OTOF: variants seen among roughly 807,000 people sequenced by gnomAD.
OTOF encodes the protein otoferlin.
OTOF carries 218 observed loss-of-function variants against 236.8 expected under a neutral mutation model. That is an observed-to-expected ratio of 0.92 (90% CI 0.82 to 1.03). The LOEUF (loss-of-function observed/expected upper bound fraction) is 1.03, where lower values mean the gene tolerates loss of function less well. Among genes scored for constraint, OTOF ranks in the 50% least tolerant of loss-of-function variants. OTOF has a pLI of 0.00. For missense variants in OTOF, 2,590 were observed against 2,694.4 expected (o/e 0.96, Z 0.86); for synonymous variants, 1,041 against 1,072.5 (o/e 0.97, Z 0.57).
chr2:26,484,681 C>T lies in OTOF; in HGVS notation c.1046-48G>A, dbSNP rs150086224. The T allele has an allele frequency of 4.7e-5, 76 of 1,603,464 alleles. No homozygotes were observed. In the African/African-American group the frequency reaches 7.3e-4, roughly 16 times the overall value. On this transcript the variant is annotated intron_variant, in intron 11 of 46. Coordinates refer to ENST00000272371, the MANE Select transcript of OTOF (RefSeq NM_194248.3). Reference sequence around the variant, plus strand: ...CTGCACCAGACACCCCCACCCAGAGCGTCTCCCAGTGCTCAGGGCAGGCCA... The same window carrying T: ...CTGCACCAGACACCCCCACCCAGAGTGTCTCCCAGTGCTCAGGGCAGGCCA...
At chr2:26,476,866 C>G (rs1471754049) in intron 22 of OTOF, 25 bp downstream of exon 22, 2 of 1,602,254 alleles carry the variant, frequency 1.2e-6, no homozygotes, top group African/African-American at 1.3e-5. Flanking sequence ...ACCCAGGCCC[C>G]CATCCATCCT....
At chr2:26,512,429 T>C (rs1426597588) in intron 5 of OTOF, among the ~76,000 whole-genome samples, 1 of 152,222 alleles carries the variant, frequency 6.6e-6, no homozygotes, top group Admixed American at 6.5e-5. Flanking sequence ...TACACATGTG[T>C]GTGCATGTGA....
At chr2:26,504,245 C>T (rs1304941247) in intron 5 of OTOF, among the ~76,000 whole-genome samples, 1 of 152,190 alleles carries the variant, frequency 6.6e-6, no homozygotes, top group Admixed American at 6.5e-5. Flanking sequence ...CGCTCATCCT[C>T]CCCGGCTCAG....
At chr2:26,545,039 C>T (rs2148129983) in intron 1 of OTOF, among the ~76,000 whole-genome samples, 1 of 33,252 alleles carries the variant, frequency 3.0e-5, no homozygotes, top group East Asian at 2.1e-3. Context: ...AGATGCCATC[C>T]CAAAAAAAAA....
At chr2:26,531,829 C>G (rs758320030) in intron 2 of OTOF, among the ~76,000 whole-genome samples, 1 of 152,060 alleles carries the variant, frequency 6.6e-6, no homozygotes, top group South Asian at 2.1e-4. Context: ...GGCAGTGGCT[C>G]ATACCTGCAA....
intron 3 of OTOF, among the ~76,000 whole-genome samples, chr2:26,526,130 T>TGGC (rs1553362341): frequency 7.0e-6 from 1 of 142,344 alleles, no homozygotes; most frequent in Non-Finnish European, 1.5e-5. Context: ...GGTGGAAGGA[T>TGGC]GGATGAATGG....
At chr2:26,515,780 T>C (rs780878704) in intron 5 of OTOF, among the ~76,000 whole-genome samples, 38 of 152,182 alleles carry the variant, frequency 2.5e-4, no homozygotes, top group Middle Eastern at 3.2e-3. Context: ...GTCCCCTTGG[T>C]CTCTAATAGT....
rs373749074 is a variant in OTOF, at chr2:26,495,146, G to A, written c.766-73C>T. The stretch of plus-strand genomic sequence containing the variant: ...GGAGCCTGGTCCCGCAGGGGTCCAG[G>A]GGCTGGGGCAGCAGGGTCAGAGGGA... On this transcript the variant is annotated intron_variant, in intron 8 of 46. Transcript: ENST00000272371. 64 of 1,571,102 alleles carry A rather than the reference G, an allele frequency of 4.1e-5. No homozygotes were observed. In the African/African-American group the frequency reaches 5.7e-4, roughly 14 times the overall value.
At position 26,461,390 on chromosome 2, in the gene OTOF, C is replaced by T. The variant is rs1558465888; in HGVS notation, c.5533+306G>A. On this transcript the variant is annotated intron_variant, in intron 43 of 46. Coordinates refer to ENST00000272371, the MANE Select transcript of OTOF (RefSeq NM_194248.3). The surrounding 1 kb of genome is among the most constrained non-coding windows in gnomAD (Gnocchi z 6.2). ...AATCCCTGCTTTACAGAGAAGCAAC[C>T]TGAGGCCCAGGGAGGTTTCCCGACT... Among the ~76,000 whole-genome samples the T allele has an allele frequency of 6.6e-6, 1 of 152,334 alleles. No homozygotes were observed. The highest frequency in any genetic ancestry group is 1.5e-5 in the Non-Finnish European group (1 of 68,020).
Position 26,477,509 on chromosome 2 carries a change from G to C in OTOF, c.2316-3C>G. ...TGTCAGCGAGGGAGAGGAAGCGGCTGGGGGTAGGGCGAGCCGGGGTTTAGC... is the reference window on the plus strand; with the variant it reads ...TGTCAGCGAGGGAGAGGAAGCGGCTCGGGGTAGGGCGAGCCGGGGTTTAGC... On this transcript the variant is annotated splice_region_variant and splice_polypyrimidine_tract_variant and intron_variant, in intron 19 of 46. Coordinates refer to ENST00000272371, the MANE Select transcript of OTOF (RefSeq NM_194248.3). This position sits in a 1 kb window ranked among gnomAD's most constrained non-coding sequence, Gnocchi z 4.7. The C allele has an allele frequency of 6.2e-7, 1 of 1,602,230 alleles. No homozygotes were observed. Among genetic ancestry groups the C allele is most frequent in the Non-Finnish European group, 8.5e-7 (1 of 1,175,038 alleles).
At chr2:26,478,919 G>A (rs1027058221) in intron 18 of OTOF, among the ~76,000 whole-genome samples, 4 of 152,174 alleles carry the variant, frequency 2.6e-5, no homozygotes, top group Non-Finnish European at 5.9e-5. Context: ...GGATGGTCTC[G>A]AACTCCTGAC....
Position 26,502,300 on chromosome 2 carries a change from C to CGTG in OTOF, c.709_710insCAC (p.Lys236_Arg237insPro). On this transcript the variant is annotated inframe_insertion and splice_region_variant, in exon 7 of 47. Transcript: ENST00000272371. ...GGTTGCAGGGCTCCCGTCCACTCAC[C>CGTG]GCTTGTTGGAGACATTAGTGGTGAG... is the stretch of plus-strand genomic sequence containing the variant. 1.9e-6 allele frequency: 3 copies of CGTG among 1,614,054 alleles called. No homozygotes were observed. The highest frequency in any genetic ancestry group is 2.5e-6 in the Non-Finnish European group (3 of 1,180,000).
chr2:26,462,295 G>T lies in OTOF; in HGVS notation c.5193-114C>A. The stretch of plus-strand genomic sequence containing the variant: ...CCCTGGGGTCTTGGGGTCAGCACAG[G>T]GCCTGGGCCAGGCTGGGGCTGGAGG... On this transcript the variant is annotated intron_variant, in intron 41 of 46. Transcript: ENST00000272371. This position sits in a 1 kb window ranked among gnomAD's most constrained non-coding sequence, Gnocchi z 4.7. 1 of 917,406 alleles carries T rather than the reference G, an allele frequency of 1.1e-6. No individual in the cohort carries two copies. The allele number at this position is 917,406 out of a possible 1,614,324, so 56.8% of individuals were successfully genotyped here. A position where few individuals can be genotyped will look rare whatever the true frequency, so the allele number is the denominator to read the frequency against.
At chr2:26,524,112 G>A (rs1392119221) in intron 3 of OTOF, among the ~76,000 whole-genome samples, 2 of 152,278 alleles carry the variant, frequency 1.3e-5, no homozygotes, top group African/African-American at 4.8e-5. Context: ...TCCCCTTGTG[G>A]GGTTTCCTGC....
intron 5 of OTOF, among the ~76,000 whole-genome samples, chr2:26,510,969 C>CA (rs1666372279): frequency 2.0e-5 from 3 of 152,352 alleles, no homozygotes; most frequent in South Asian, 2.1e-4. Flanking sequence ...TGGGAGGGGC[C>CA]CACAGTGCTG....
rs763063323 is a variant in OTOF, at chr2:26,480,248, C to A, written c.1867G>T (p.Asp623Tyr). The change falls in exon 16 of 47, where the codon GAC (aspartate) becomes TAC (tyrosine). Residue 623 changes from aspartate to tyrosine, a missense_variant. Transcript: ENST00000272371. ...FGAFLEASMIDRRNGDKPITF... is the reference protein window; with the variant it reads ...FGAFLEASMIYRRNGDKPITF... ...ATGGGCTTGTCTCCGTTTCTCCGGT[C>A]GATCATTGAGGCCTCCAGGAAGGCT... 4 of 1,612,966 alleles carry A rather than the reference C, an allele frequency of 2.5e-6. No homozygotes were observed. Among genetic ancestry groups the A allele is most frequent in the African/African-American group, 2.7e-5 (2 of 74,940 alleles).
At chr2:26,537,627 G>A in intron 2 of OTOF, 89 bp downstream of exon 2, 2 of 979,894 alleles carry the variant, frequency 2.0e-6, no homozygotes, top group South Asian at 2.8e-5. Flanking sequence ...TGGGATTTGG[G>A]GCCAGTGTGT....
Position 26,465,850 on chromosome 2 carries a change from G to T in OTOF, c.4629-8C>A, listed in dbSNP as rs201723469. The stretch of plus-strand genomic sequence containing the variant: ...GCCTCGATGTCAAAGGACCTGGTGG[G>T]GTGGAGTTAGGAGAAGGGCTTAAGG... On this transcript the variant is annotated splice_region_variant and splice_polypyrimidine_tract_variant and intron_variant, in intron 37 of 46. Coordinates refer to ENST00000272371, the MANE Select transcript of OTOF (RefSeq NM_194248.3). 6.9e-5 allele frequency: 111 copies of T among 1,614,246 alleles called. 1 individual carries two copies. In the East Asian group the frequency reaches 2.4e-3, roughly 35 times the overall value.
At chr2:26,552,138 C>A (rs1667477336) in intron 1 of OTOF, among the ~76,000 whole-genome samples, 1 of 150,442 alleles carries the variant, frequency 6.6e-6, no homozygotes, top group African/African-American at 2.4e-5. Flanking sequence ...GCCTATAATC[C>A]CAGCACTTTG....
Sources: allele counts gnomAD v4.1 joint callset (sites outside exome capture counted in the v4.1 genomes callset), GRCh38; gene constraint gnomAD v4.1.1; non-coding constraint Gnocchi (gnomAD v3.1); transcripts MANE v1.5; gene names NCBI Gene and HGNC (gene_info 2026-07-23, HGNC 2026-07-21).